TBC1D7: variants seen among roughly 807,000 people sequenced by gnomAD.
TBC1D7 encodes TBC domain family 7.
Under a neutral mutation model 35.3 loss-of-function variants are expected in TBC1D7, and 33 were observed. The ratio of observed to expected loss-of-function variants is 0.93; its 90% CI spans 0.71 to 1.25. The LOEUF is 1.25. Among genes scored for constraint, TBC1D7 ranks in the 50% most tolerant of loss-of-function variants. TBC1D7 has a pLI of 0.00. For missense variants in TBC1D7, 362 were observed against 365.3 expected, an observed-to-expected ratio of 0.99 and a Z score of 0.07; for synonymous variants, 135 against 129.5, an observed-to-expected ratio of 1.04 and a Z score of -0.29.
chr6:13,326,529 G>C (rs1784416950), intron 2 of TBC1D7, among the ~76,000 whole-genome samples: 2 of 150,392 alleles, frequency 1.3e-5, no homozygotes, highest in South Asian at 2.1e-4. Context: ...AATTTACCTA[G>C]ATAATACATG....
At chr6:13,323,045 T>C (rs531382867) in intron 3 of TBC1D7, among the ~76,000 whole-genome samples, 1 of 152,130 alleles carries the variant, frequency 6.6e-6, no homozygotes, top group Non-Finnish European at 1.5e-5. Flanking sequence ...CCTCAAAAAA[T>C]AACTATGACA....
At chr6:13,324,240 T>G (rs1019907274) in intron 3 of TBC1D7, among the ~76,000 whole-genome samples, 9 of 151,982 alleles carry the variant, frequency 5.9e-5, no homozygotes, top group African/African-American at 2.2e-4. Context: ...CGATTCTCCT[T>G]CCTCAGCCTT....
At chr6:13,316,756 A>G in intron 4 of TBC1D7, 48 bp from the exon 5 acceptor site, 1 of 1,592,496 alleles carries the variant, frequency 6.3e-7, no homozygotes, top group East Asian at 2.2e-5. Context: ...GAAAGAGAGG[A>G]ATACATATTT....
chr6:13,312,666 T>C (rs1783305958), intron 5 of TBC1D7, among the ~76,000 whole-genome samples: 1 of 141,402 alleles, frequency 7.1e-6, no homozygotes, highest in Non-Finnish European at 1.5e-5. Context: ...CACTCCAGCC[T>C]GGGTGACAGA....
chr6:13,326,844 A>G lies in TBC1D7; in HGVS notation c.55T>C (p.Phe19Leu). ...FRSVYYEKVG[F>L]RGVEEKKSLE... ...GATTTCTTTTCTTCAACTCCACGAA[A>G]CCCCACTTTCTCATAATATACTGAA... Residue 19 changes from phenylalanine (F) to leucine (L), a missense_variant, in exon 2 of 8, where the codon TTT becomes CTT. Physicochemically the swap from Phe to Leu is conservative, Grantham distance 22. Transcript: ENST00000379300. 6.2e-7 allele frequency: 1 copy of G among 1,613,322 alleles called. No homozygotes were observed. The highest frequency in any genetic ancestry group is 8.5e-7 in the Non-Finnish European group (1 of 1,179,774).
rs766400367 is a variant in TBC1D7, at chr6:13,321,062, T to C, written c.227A>G (p.Lys76Arg). ...ILPPHHESHAKVMMYRKEQYL... is the reference protein window; with the variant it reads ...ILPPHHESHARVMMYRKEQYL... ...CTGCTCCTTACGATACATCATCACC[T>C]TGGCATGGGACTCGTGGTGTGGAGG... Residue 76 changes from lysine (K) to arginine (R), a missense_variant, in exon 4 of 8, where the codon AAG (lysine) becomes AGG (arginine). Transcript: ENST00000379300. The C allele has an allele frequency of 1.9e-5, 30 of 1,613,768 alleles. No individual in the cohort carries two copies. Among genetic ancestry groups the C allele is most frequent in the Non-Finnish European group, 2.1e-5 (25 of 1,179,828 alleles).
chr6:13,320,864 C>T (rs369185698), intron 4 of TBC1D7, 44 bp downstream of exon 4: 11 of 1,585,954 alleles, frequency 6.9e-6, no homozygotes, highest in Non-Finnish European at 9.5e-6. Context: ...CAAGATGGGA[C>T]GGTCTAGAGT....
chr6:13,316,644 A>G lies in TBC1D7; in HGVS notation c.446T>C (p.Val149Ala), dbSNP rs112668572. The G allele has an allele frequency of 1.0e-3, 1,653 of 1,614,124 alleles. 1 individual carries two copies. The highest frequency in any genetic ancestry group is 1.2e-3 in the Non-Finnish European group (1,435 of 1,180,016). Reference sequence around the variant, plus strand: ...GCGTCGGGTGATCCAGTAACAGTCGACACTATCTTCCACCATTTCCTCCAT... The same window carrying G: ...GCGTCGGGTGATCCAGTAACAGTCGGCACTATCTTCCACCATTTCCTCCAT... ...KAMEEMVEDSVDCYWITRRFV... is the reference protein window; with the variant it reads ...KAMEEMVEDSADCYWITRRFV... The change falls in exon 5 of 8, where the codon GTC becomes GCC. Residue 149 changes from valine (V) to alanine (A), a missense_variant. Physicochemically the swap from Val to Ala is moderately conservative, Grantham distance 64. Transcript: ENST00000379300.
intron 4 of TBC1D7, among the ~76,000 whole-genome samples, chr6:13,318,395 G>C (rs1783789205): frequency 6.6e-6 from 1 of 152,168 alleles, no homozygotes; most frequent in South Asian, 2.1e-4. Flanking sequence ...GACAAGCTGA[G>C]TAGCGGTGAG....
chr6:13,307,586 AAAGACCT>A lies in TBC1D7; in HGVS notation c.665+7_665+13del. The A allele has an allele frequency of 6.2e-7, 1 of 1,613,858 alleles. No individual in the cohort carries two copies. The highest frequency in any genetic ancestry group is 8.5e-7 in the Non-Finnish European group (1 of 1,179,870). ...ACGCCAAGCCTTCAATATGTCTTCG[AAAGACCT>A]ACTTGCCTCTGTAAACTGGATTCAG... On this transcript the variant is annotated splice_region_variant and intron_variant, in intron 6 of 7. Transcript: ENST00000379300.
intron 3 of TBC1D7, among the ~76,000 whole-genome samples, chr6:13,324,083 G>A (rs1333301164): frequency 2.0e-5 from 3 of 151,974 alleles, no homozygotes; most frequent in Admixed American, 1.3e-4. Context: ...TTTAGTACTC[G>A]CCACTATCTT....
intron 5 of TBC1D7, 56 bp from the exon 6 acceptor site, chr6:13,307,801 ATATT>A: frequency 2.6e-6 from 4 of 1,537,576 alleles, no homozygotes; most frequent in Non-Finnish European, 3.6e-6. Flanking sequence ...ACATCATCTG[ATATT>A]ATAGTCTCTG....
chr6:13,317,326 G>A (rs141720577), intron 4 of TBC1D7, among the ~76,000 whole-genome samples: 1 of 152,142 alleles, frequency 6.6e-6, no homozygotes, highest in Non-Finnish European at 1.5e-5. Context: ...AATTTCAACA[G>A]AGAAATCTTA....
At chr6:13,311,641 A>C (rs147349737) in intron 5 of TBC1D7, among the ~76,000 whole-genome samples, 77 of 152,324 alleles carry the variant, frequency 5.1e-4, no homozygotes, top group African/African-American at 1.7e-3. Flanking sequence ...TAACTACTTA[A>C]AACTACTTGC....
At chr6:13,316,808 G>C (rs1449563694) in intron 4 of TBC1D7, 100 bp from the exon 5 acceptor site, 2 of 1,396,624 alleles carry the variant, frequency 1.4e-6, no homozygotes, top group African/African-American at 2.9e-5. Flanking sequence ...ATTTTGAAAA[G>C]GCTACATTAA....
In TBC1D7 at chr6:13,321,028, A is replaced by AT; in HGVS notation, c.260dup (p.Asp87GlufsTer13). 6.2e-7 allele frequency: 1 copy of AT among 1,614,190 alleles called. No homozygotes were observed. Among genetic ancestry groups the AT allele is most frequent in the South Asian group, 1.1e-5 (1 of 91,088 alleles). On this transcript the variant is annotated frameshift_variant, in exon 4 of 8. Transcript: ENST00000379300. LOFTEE classifies it high-confidence loss of function. ...GAACGACTTTCAGGGCATGAAGGAC[A>AT]TCCAAGTACTGCTCCTTACGATACA...
intron 5 of TBC1D7, among the ~76,000 whole-genome samples, chr6:13,310,974 T>C (rs1783170720): frequency 6.6e-6 from 1 of 152,194 alleles, no homozygotes; most frequent in African/African-American, 2.4e-5. Context: ...TATGTTTTAC[T>C]CCTAAACATT....
intron 3 of TBC1D7, among the ~76,000 whole-genome samples, chr6:13,322,395 G>C (rs1024623598): frequency 5.9e-5 from 9 of 152,100 alleles, no homozygotes; most frequent in African/African-American, 2.2e-4. Flanking sequence ...TAACTGGCTG[G>C]GTGGTGACCT....
intron 4 of TBC1D7, chr6:13,320,534 T>C: frequency 1.8e-6 from 1 of 547,460 alleles, no homozygotes; most frequent in South Asian, 2.6e-5. Flanking sequence ...AAACAGATGC[T>C]TAAAGCTACT....
Sources: allele counts gnomAD v4.1 joint callset (sites outside exome capture counted in the v4.1 genomes callset), GRCh38; gene constraint gnomAD v4.1.1; transcripts MANE v1.5; gene names NCBI Gene and HGNC (gene_info 2026-07-23, HGNC 2026-07-21).